Variants in RALYL observed in about 807,000 individuals in gnomAD.
The protein encoded by RALYL is RNA-binding Raly-like protein.
RALYL carries 29 observed loss-of-function variants against 35.1 expected under a neutral mutation model. That is an observed-to-expected ratio of 0.83 (90% confidence interval 0.61 to 1.13). The LOEUF (loss-of-function observed/expected upper bound fraction) is 1.13, where lower values mean the gene tolerates loss of function less well. RALYL is among the 50% of genes most tolerant of loss of function. The pLI, the probability that RALYL is intolerant of heterozygous loss-of-function variation, is 0.00. For synonymous variants in RALYL, 120 were observed against 127.6 expected (o/e 0.94, Z 0.40); for missense variants, 359 against 360.4 (o/e 1.00, Z 0.03).
chr8:84,226,622 G>GA (rs1823942540), intron 1 of RALYL, among the ~76,000 whole-genome samples: 1 of 151,544 alleles, frequency 6.6e-6, no homozygotes, highest in East Asian at 1.9e-4. Context: ...GACTTAAAAG[G>GA]AGATAATTTA....
chr8:84,754,254 TAA>T (rs11285717), intron 2 of RALYL, among the ~76,000 whole-genome samples: 26 of 144,666 alleles, frequency 1.8e-4, no homozygotes, highest in African/African-American at 6.0e-4. Context: ...AGTATAATAA[TAA>T]AAAAAAAAAA....
intron 1 of RALYL, among the ~76,000 whole-genome samples, chr8:84,511,869 G>A (rs2057652595): frequency 6.6e-6 from 1 of 152,178 alleles, no homozygotes; most frequent in South Asian, 2.1e-4. Flanking sequence ...GCAAATGCAA[G>A]ATGTCATCCT....
At chr8:84,270,261 A>T (rs1249488762) in intron 1 of RALYL, among the ~76,000 whole-genome samples, 1 of 152,220 alleles carries the variant, frequency 6.6e-6, no homozygotes, top group African/African-American at 2.4e-5. Flanking sequence ...TGTGGGAAGG[A>T]AGAAGGAGCA....
intron 2 of RALYL, among the ~76,000 whole-genome samples, chr8:84,603,196 G>A (rs1035404677): frequency 6.6e-6 from 1 of 152,038 alleles, no homozygotes; most frequent in African/African-American, 2.4e-5. Context: ...AGTGGGGTAG[G>A]AGAATAAGGA....
intron 1 of RALYL, among the ~76,000 whole-genome samples, chr8:84,209,793 G>A (rs12375330): frequency 0.23 from 35,393 of 152,048 alleles, 4,242 homozygotes; most frequent in Non-Finnish European, 0.27. Flanking sequence ...TTCAAGTATA[G>A]TGTTCTAACA....
intron 1 of RALYL, among the ~76,000 whole-genome samples, chr8:84,274,955 C>T (rs569345065): frequency 1.3e-5 from 2 of 152,214 alleles, no homozygotes; most frequent in South Asian, 4.1e-4. Flanking sequence ...CACATTTCTA[C>T]TCTGGAAACA....
intron 1 of RALYL, among the ~76,000 whole-genome samples, chr8:84,362,895 C>T (rs373142676): frequency 1.3e-3 from 203 of 152,148 alleles, no homozygotes; most frequent in African/African-American, 4.8e-3. Flanking sequence ...GTGGTTTAGA[C>T]TAAGGGATTT....
intron 2 of RALYL, among the ~76,000 whole-genome samples, chr8:84,562,163 T>C (rs959792210): frequency 2.0e-5 from 3 of 151,958 alleles, no homozygotes; most frequent in Non-Finnish European, 2.9e-5. Context: ...ATACTTGCTG[T>C]AAAATCCCTT....
chr8:84,840,589 A>T (rs1833040491), intron 4 of RALYL, among the ~76,000 whole-genome samples: 1 of 152,216 alleles, frequency 6.6e-6, no homozygotes, highest in African/African-American at 2.4e-5. Flanking sequence ...AAGGCAGGCC[A>T]ACATTCAAAT....
At chr8:84,276,220 C>A (rs1835341819) in intron 1 of RALYL, among the ~76,000 whole-genome samples, 1 of 152,136 alleles carries the variant, frequency 6.6e-6, no homozygotes, top group South Asian at 2.1e-4. Context: ...AGCTCTGACA[C>A]TTATTAGCTA....
At chr8:84,191,431 T>G (rs1388255521) in intron 1 of RALYL, among the ~76,000 whole-genome samples, 1 of 152,192 alleles carries the variant, frequency 6.6e-6, no homozygotes, top group Non-Finnish European at 1.5e-5. Context: ...GCAATGTCTT[T>G]CAGGAAGCAA....
chr8:84,610,747 T>C (rs1818127291), intron 2 of RALYL, among the ~76,000 whole-genome samples: 1 of 152,096 alleles, frequency 6.6e-6, no homozygotes, highest in African/African-American at 2.4e-5. Flanking sequence ...GGGTATTTGT[T>C]TTATTTGGGG....
At chr8:84,716,265 A>T (rs1485453593) in intron 2 of RALYL, among the ~76,000 whole-genome samples, 1 of 152,042 alleles carries the variant, frequency 6.6e-6, no homozygotes, top group African/African-American at 2.4e-5. Flanking sequence ...CACACTTAAC[A>T]GTGTCTTTCA....
At chr8:84,380,952 G>A (rs73298750) in intron 1 of RALYL, among the ~76,000 whole-genome samples, 4,269 of 151,840 alleles carry the variant, frequency 0.028, 196 homozygotes, top group African/African-American at 0.097. Context: ...ACAGAAGCTG[G>A]GTGGAGGGTG....
chr8:84,442,246 T>C (rs561435874), intron 1 of RALYL, among the ~76,000 whole-genome samples: 1 of 152,298 alleles, frequency 6.6e-6, no homozygotes, highest in African/African-American at 2.4e-5. Context: ...TATACATCAC[T>C]GTAATAACAT....
intron 1 of RALYL, chr8:84,346,105 C>T: frequency 1.0e-6 from 1 of 981,960 alleles, no homozygotes. Context: ...GCTCTATTTT[C>T]TCTTCCTTTG....
At chr8:84,601,220 T>A (rs1008238473) in intron 2 of RALYL, among the ~76,000 whole-genome samples, 3 of 152,114 alleles carry the variant, frequency 2.0e-5, no homozygotes, top group Non-Finnish European at 2.9e-5. Context: ...TTTAATCTTA[T>A]AACAAGTTAT....
intron 1 of RALYL, among the ~76,000 whole-genome samples, chr8:84,464,130 A>C (rs1218454116): frequency 7.8e-6 from 1 of 128,086 alleles, no homozygotes. Context: ...CATTAAAACA[A>C]GTTTTTTTTT....
At chr8:84,688,624 A>T (rs996083501) in intron 2 of RALYL, among the ~76,000 whole-genome samples, 3 of 152,138 alleles carry the variant, frequency 2.0e-5, no homozygotes, top group African/African-American at 7.2e-5. Context: ...TAAAACTAGT[A>T]GAAAAAAACA....
Sources: allele counts gnomAD v4.1 joint callset (sites outside exome capture counted in the v4.1 genomes callset), GRCh38; gene constraint gnomAD v4.1.1; transcripts MANE v1.5; gene names NCBI Gene and HGNC (gene_info 2026-07-23, HGNC 2026-07-21).